The following PDE6C variants were observed in gnomAD, a reference collection of about 807,000 sequenced individuals.
PDE6C encodes cone cGMP-specific 3',5'-cyclic phosphodiesterase subunit alpha'.
A neutral mutation model predicts 113.1 loss-of-function variants in PDE6C; 75 were observed. That is an observed-to-expected ratio of 0.66 (90% CI 0.55 to 0.80). The LOEUF (loss-of-function observed/expected upper bound fraction) is 0.80. PDE6C is among the 30% of genes least tolerant of loss of function. The pLI, the probability that PDE6C is intolerant of heterozygous loss-of-function variation, is 0.00. For synonymous variants in PDE6C, 375 were observed against 363.7 expected (o/e 1.03, Z -0.35); for missense variants, 912 against 1,038.6 (o/e 0.88, Z 1.67).
chr10:93,625,045 G>A (rs1240773362), intron 4 of PDE6C, among the ~76,000 whole-genome samples: 1 of 152,066 alleles, frequency 6.6e-6, no homozygotes, highest in Non-Finnish European at 1.5e-5. Context: ...TCCAGATCTG[G>A]GCCACATACC....
intron 21 of PDE6C, among the ~76,000 whole-genome samples, chr10:93,664,289 G>A (rs1182610734): frequency 3.3e-5 from 5 of 152,180 alleles, no homozygotes; most frequent in Admixed American, 2.6e-4. Context: ...GAATGCTTAC[G>A]CTAACCACAG....
Position 93,655,672 on chromosome 10 carries a change from CTT to C in PDE6C, c.1936-85_1936-84del, listed in dbSNP as rs1310678855. 16 of 517,340 alleles carry C rather than the reference CTT, an allele frequency of 3.1e-5. No individual in the cohort carries two copies. In the East Asian group the frequency reaches 6.7e-4, roughly 22 times the overall value. 32.0% of individuals were successfully genotyped at this position (517,340 alleles called of 1,614,324 possible). A position where few individuals can be genotyped will look rare whatever the true frequency, so the allele number is the denominator to read the frequency against. On this transcript the variant is annotated intron_variant, in intron 15 of 21. Transcript: ENST00000371447. ...AAACAAACAAAAAAGTGTTGAAAGA[CTT>C]TTAGATTTTCTTCTTGTTAAGCATA...
intron 14 of PDE6C, among the ~76,000 whole-genome samples, chr10:93,641,484 G>C (rs1147645): frequency 0.14 from 20,781 of 151,896 alleles, 1,802 homozygotes; most frequent in Admixed American, 0.23. Context: ...ACAAAAATTA[G>C]TCGGATGTGG....
intron 11 of PDE6C, among the ~76,000 whole-genome samples, chr10:93,638,687 T>C (rs1318060169): frequency 6.6e-6 from 1 of 152,206 alleles, no homozygotes; most frequent in African/African-American, 2.4e-5. Flanking sequence ...GTAACAAATA[T>C]TTCAGAGGAG....
At chr10:93,645,825 A>G (rs1262261360) in intron 14 of PDE6C, 135 bp from the exon 15 acceptor site, 3 of 667,012 alleles carry the variant, frequency 4.5e-6, no homozygotes, top group African/African-American at 1.8e-5. Flanking sequence ...ATCTTTTCCA[A>G]TATGTTATTT....
intron 4 of PDE6C, among the ~76,000 whole-genome samples, chr10:93,623,053 T>C (rs2058456143): frequency 1.3e-5 from 2 of 152,232 alleles, no homozygotes; most frequent in African/African-American, 4.8e-5. Context: ...TGGCAGACTG[T>C]CTTCCAAAGT....
chr10:93,658,615 A>G (rs2058651601), intron 16 of PDE6C, among the ~76,000 whole-genome samples: 1 of 152,044 alleles, frequency 6.6e-6, no homozygotes, highest in African/African-American at 2.4e-5. Flanking sequence ...CCGGCCTTAT[A>G]TGTAACTTTT....
At chr10:93,629,163 C>G (rs565384638) in intron 7 of PDE6C, 95 bp from the exon 8 acceptor site, 1 of 1,027,778 alleles carries the variant, frequency 9.7e-7, no homozygotes, top group Non-Finnish European at 1.5e-6. Context: ...GTAGAAAATC[C>G]TCACTCCCAA....
At chr10:93,649,536 C>T (rs1377959134) in intron 15 of PDE6C, among the ~76,000 whole-genome samples, 1 of 152,124 alleles carries the variant, frequency 6.6e-6, no homozygotes, top group East Asian at 1.9e-4. Flanking sequence ...ACTACCCAAG[C>T]TATTTTTTTA....
chr10:93,640,432 G>A lies in PDE6C; in HGVS notation c.1630-18G>A. The A allele has an allele frequency of 6.4e-7, 1 of 1,553,736 alleles. No homozygotes were observed. The highest frequency in any genetic ancestry group is 8.9e-7 in the Non-Finnish European group (1 of 1,125,122). ...TAGAATTCTATTCCAAAGTCTGAATGGTGTCATCTTCTTTTAGGTTCTTAC... is the reference window on the plus strand; with the variant it reads ...TAGAATTCTATTCCAAAGTCTGAATAGTGTCATCTTCTTTTAGGTTCTTAC... On this transcript the variant is annotated intron_variant, in intron 12 of 21. Transcript: ENST00000371447.
In PDE6C at chr10:93,613,117, A is replaced by C. The variant is rs775916109; in HGVS notation, c.392A>C (p.Asp131Ala). 1.2e-5 allele frequency: 19 copies of C among 1,614,058 alleles called. No individual in the cohort carries two copies. Among genetic ancestry groups the C allele is most frequent in the African/African-American group, 4.0e-5 (3 of 74,922 alleles). Reference sequence around the variant, plus strand: ...TTTGAGGACAACCTGGTGGGCCCTGACAAAGAAGTTGTGTTTCCATTGGAC... The same window carrying C: ...TTTGAGGACAACCTGGTGGGCCCTGCCAAAGAAGTTGTGTTTCCATTGGAC... ...SKFEDNLVGPDKEVVFPLDIG... is the reference protein window; with the variant it reads ...SKFEDNLVGPAKEVVFPLDIG... The change falls in exon 1 of 22, where the codon GAC becomes GCC. Residue 131 changes from aspartate to alanine, a missense_variant. Coordinates refer to ENST00000371447, the MANE Select transcript of PDE6C (RefSeq NM_006204.4).
rs756442538 is a variant in PDE6C at position 93,662,515 on chromosome 10, A to G, written c.2284-45A>G. ...CAGGACAAATCAGTCTGTTTTGTTC[A>G]TACATCTTAGAAACCTGTCTTAAAG... is the stretch of plus-strand genomic sequence containing the variant. On this transcript the variant is annotated intron_variant, in intron 19 of 21. Transcript: ENST00000371447. 104 of 882,260 alleles carry G rather than the reference A, an allele frequency of 1.2e-4. 1 individual carries two copies. Among genetic ancestry groups the G allele is most frequent in the Non-Finnish European group, 1.8e-4 (93 of 517,424 alleles). The allele number at this position is 882,260 out of a possible 1,614,324, so 54.7% of individuals were successfully genotyped here.
In PDE6C at chr10:93,656,203, G is replaced by T. The variant is rs537658407; in HGVS notation, c.2036+343G>T. 5.3e-5 allele frequency among the ~76,000 whole-genome samples: 8 copies of T among 152,314 alleles called. No homozygotes were observed. In the South Asian group the frequency reaches 1.2e-3, roughly 24 times the overall value. On this transcript the variant is annotated intron_variant, in intron 16 of 21. Coordinates refer to ENST00000371447, the MANE Select transcript of PDE6C (RefSeq NM_006204.4). ...GAGTGAAGCCAAGAGACCTCTCAAG[G>T]TGGCTTTTTGTCCAGGTGAATTCTC... is the stretch of plus-strand genomic sequence containing the variant.
At chr10:93,630,681 A>G (rs1444507799) in intron 8 of PDE6C, among the ~76,000 whole-genome samples, 2 of 152,090 alleles carry the variant, frequency 1.3e-5, no homozygotes, top group African/African-American at 4.8e-5. Context: ...TCTCACATAC[A>G]GAGCCCCATC....
chr10:93,637,016 G>A lies in PDE6C; in HGVS notation c.1435G>A (p.Val479Ile). ...TTAGAAATTTCAAGAGAAGTTAAATGTTGATGTAATTGACGACTGTGAAGA... is the reference window on the plus strand; with the variant it reads ...TTAGAAATTTCAAGAGAAGTTAAATATTGATGTAATTGACGACTGTGAAGA... Reference protein sequence around the residue: ...SILKFQEKLNVDVIDDCEEKQ... With the variant: ...SILKFQEKLNIDVIDDCEEKQ... Residue 479 changes from valine (V) to isoleucine (I), a missense_variant, in exon 11 of 22, where the codon GTT becomes ATT. By Grantham distance (29) the Val-to-Ile change is conservative. Transcript: ENST00000371447. The A allele has an allele frequency of 1.9e-6, 3 of 1,601,914 alleles. No homozygotes were observed. Among genetic ancestry groups the A allele is most frequent in the East Asian group, 2.2e-5 (1 of 44,766 alleles).
intron 10 of PDE6C, among the ~76,000 whole-genome samples, chr10:93,636,157 A>C (rs1183133682): frequency 6.6e-6 from 1 of 152,218 alleles, no homozygotes; most frequent in Non-Finnish European, 1.5e-5. Context: ...GAAGTGCAAG[A>C]GAGCAAACCT....
intron 8 of PDE6C, among the ~76,000 whole-genome samples, chr10:93,631,883 C>A (rs2058503508): frequency 6.6e-6 from 1 of 152,236 alleles, no homozygotes; most frequent in Non-Finnish European, 1.5e-5. Flanking sequence ...TTGCTGCTGT[C>A]ACGAATTGCC....
chr10:93,641,847 T>C (rs2058561592), intron 14 of PDE6C, among the ~76,000 whole-genome samples: 1 of 152,116 alleles, frequency 6.6e-6, no homozygotes, highest in Admixed American at 6.6e-5. Flanking sequence ...TCTTTCTCTC[T>C]TGCCCCAAGA....
At chr10:93,619,769 A>G (rs1487674832) in intron 1 of PDE6C, among the ~76,000 whole-genome samples, 2 of 152,158 alleles carry the variant, frequency 1.3e-5, no homozygotes, top group African/African-American at 4.8e-5. Context: ...GTAAAGAAAA[A>G]CTGTATGTTC....
Sources: allele counts gnomAD v4.1 joint callset (sites outside exome capture counted in the v4.1 genomes callset), GRCh38; gene constraint gnomAD v4.1.1; transcripts MANE v1.5; gene names NCBI Gene and HGNC (gene_info 2026-07-23, HGNC 2026-07-21).